Variants in RAPGEF2 observed in about 807,000 individuals in gnomAD.
RAPGEF2 encodes Rap guanine nucleotide exchange factor 2, also known as PDZ domain containing guanine nucleotide exchange factor (GEF) 1.
A neutral mutation model predicts 186.7 loss-of-function variants in RAPGEF2; 54 were observed. The observed-to-expected ratio is 0.29, with a 90% CI of 0.23 to 0.36. RAPGEF2 has a LOEUF of 0.36. Ranked by LOEUF, RAPGEF2 falls within the 10% of genes least tolerant of loss-of-function variation. The pLI, the probability that RAPGEF2 is intolerant of heterozygous loss-of-function variation, is 1.00. For synonymous variants in RAPGEF2, 712 were observed against 705.9 expected (o/e 1.01, Z -0.14); for missense variants, 1,532 against 2,045.0 (o/e 0.75, Z 4.84).
chr4:159,234,116 TAA>T (rs572880337), intron 4 of RAPGEF2, among the ~76,000 whole-genome samples: 1 of 145,200 alleles, frequency 6.9e-6, no homozygotes, highest in African/African-American at 2.5e-5. Flanking sequence ...TAAGACTTAC[TAA>T]AAAAAAAAAC....
Position 159,186,662 on chromosome 4 carries a change from C to A in RAPGEF2, c.90C>A (p.Ser30=). The part of the protein sequence containing the change: ...RTPQDLEIVY[S]YLHGMEALSN... ...AACAGGATCTGGAAATAGTATATTCCTATTTACATGGTATGGAAGCCTTAT... is the reference window on the plus strand; with the variant it reads ...AACAGGATCTGGAAATAGTATATTCATATTTACATGGTATGGAAGCCTTAT... Residue 30 remains serine, a synonymous_variant, in exon 2 of 30, where the codon TCC becomes TCA. Transcript: ENST00000691494. 6.9e-7 allele frequency: 1 copy of A among 1,459,372 alleles called. No homozygotes were observed. The highest frequency in any genetic ancestry group is 2.6e-5 in the East Asian group (1 of 38,734). The allele number at this position is 1,459,372 out of a possible 1,614,324, so 90.4% of individuals were successfully genotyped here. A position where few individuals can be genotyped will look rare whatever the true frequency, so the allele number is the denominator to read the frequency against.
intron 1 of RAPGEF2, among the ~76,000 whole-genome samples, chr4:159,143,514 G>A (rs902903973): frequency 6.6e-5 from 10 of 152,006 alleles, no homozygotes; most frequent in Non-Finnish European, 1.3e-4. Flanking sequence ...TATTCCACCG[G>A]GCCCATAACT....
intron 11 of RAPGEF2, among the ~76,000 whole-genome samples, chr4:159,325,236 G>A (rs983461569): frequency 6.6e-6 from 1 of 151,856 alleles, no homozygotes; most frequent in African/African-American, 2.4e-5. Context: ...TGCCAGAAAC[G>A]CATTCTAAAT....
chr4:159,266,494 G>C (rs1757442015), intron 7 of RAPGEF2, among the ~76,000 whole-genome samples: 1 of 151,948 alleles, frequency 6.6e-6, no homozygotes, highest in Non-Finnish European at 1.5e-5. Context: ...ACCTACATAT[G>C]TACATGAAAT....
rs1194385402 is a variant in RAPGEF2 at position 159,123,539 on chromosome 4, C to CTT, written c.69+19324_69+19325dup. Among the ~76,000 whole-genome samples the CTT allele has an allele frequency of 3.5e-4, 47 of 133,694 alleles. No individual in the cohort carries two copies. The East Asian group carries it at 5.8e-3, about 17-fold the overall frequency. 87.7% of individuals were successfully genotyped at this position (133,694 alleles called of 152,430 possible). On this transcript the variant is annotated intron_variant, in intron 1 of 29. Transcript: ENST00000691494. ...CTGTGGGTGGGATATGGATTTTTAT[C>CTT]TTTTTTTTTTTTTTTTTGAGATGGA...
At chr4:159,316,774 C>CT (rs1429148102) in intron 9 of RAPGEF2, among the ~76,000 whole-genome samples, 2 of 152,276 alleles carry the variant, frequency 1.3e-5, no homozygotes, top group African/African-American at 2.4e-5. Flanking sequence ...GCTGCAATGA[C>CT]TTTAAGTGTA....
intron 4 of RAPGEF2, among the ~76,000 whole-genome samples, chr4:159,217,089 T>TAA (rs1194396653): frequency 1.3e-5 from 2 of 151,998 alleles, no homozygotes; most frequent in Non-Finnish European, 2.9e-5. Context: ...TGAAAGGAGG[T>TAA]AAAACAATGG....
intron 1 of RAPGEF2, among the ~76,000 whole-genome samples, chr4:159,104,781 CA>C (rs765506340): frequency 3.3e-5 from 5 of 152,142 alleles, no homozygotes; most frequent in Non-Finnish European, 5.9e-5. Flanking sequence ...GTGCTAAAGA[CA>C]AATCCATGCT....
At chr4:159,283,270 T>G (rs1759976305) in intron 7 of RAPGEF2, among the ~76,000 whole-genome samples, 2 of 152,208 alleles carry the variant, frequency 1.3e-5, no homozygotes, top group Non-Finnish European at 2.9e-5. Context: ...AAACTATTCA[T>G]ATAGAACTTT....
At chr4:159,336,169 T>A (rs922903508) in intron 17 of RAPGEF2, among the ~76,000 whole-genome samples, 14 of 144,816 alleles carry the variant, frequency 9.7e-5, no homozygotes, top group African/African-American at 3.1e-4. Context: ...TTTTTTTTTT[T>A]AATTTTTATT....
chr4:159,264,360 A>G (rs1247062138), intron 7 of RAPGEF2, among the ~76,000 whole-genome samples: 1 of 152,208 alleles, frequency 6.6e-6, no homozygotes, highest in Non-Finnish European at 1.5e-5. Flanking sequence ...CGGTTAGGTT[A>G]GTTTCCTTCT....
intron 7 of RAPGEF2, among the ~76,000 whole-genome samples, chr4:159,253,538 T>G (rs1323211289): frequency 2.6e-5 from 4 of 152,254 alleles, no homozygotes; most frequent in Non-Finnish European, 5.9e-5. Flanking sequence ...CTTCAAATTT[T>G]ATCATTAGCA....
At chr4:159,347,810 A>G (rs1730558808) in intron 25 of RAPGEF2, among the ~76,000 whole-genome samples, 1 of 152,234 alleles carries the variant, frequency 6.6e-6, no homozygotes, top group South Asian at 2.1e-4. Flanking sequence ...AACATCTAGT[A>G]GTTTAGCCCC....
At chr4:159,112,326 T>C (rs1472203839) in intron 1 of RAPGEF2, among the ~76,000 whole-genome samples, 3 of 152,118 alleles carry the variant, frequency 2.0e-5, no homozygotes, top group African/African-American at 7.2e-5. Context: ...TGAGCAAGAG[T>C]TGTGATAGCA....
At chr4:159,348,285 T>TGG (rs60380308) in intron 25 of RAPGEF2, among the ~76,000 whole-genome samples, 43 of 148,040 alleles carry the variant, frequency 2.9e-4, no homozygotes, top group East Asian at 1.8e-3. Context: ...GATGGATGGA[T>TGG]AGATAGATAA....
At chr4:159,297,390 G>A (rs1205116099) in intron 7 of RAPGEF2, among the ~76,000 whole-genome samples, 2 of 152,092 alleles carry the variant, frequency 1.3e-5, no homozygotes, top group African/African-American at 4.8e-5. Context: ...TATTATTTTC[G>A]AGGCTTTTGC....
At chr4:159,104,755 G>A (rs1737688625) in intron 1 of RAPGEF2, among the ~76,000 whole-genome samples, 1 of 152,124 alleles carries the variant, frequency 6.6e-6, no homozygotes, top group Admixed American at 6.5e-5. Context: ...AGGTATAGGA[G>A]GAAACCTGTA....
At chr4:159,210,642 T>A (rs1750429185) in intron 4 of RAPGEF2, 59 bp downstream of exon 4, 3 of 1,324,018 alleles carry the variant, frequency 2.3e-6, no homozygotes, top group Non-Finnish European at 3.1e-6. Flanking sequence ...TTTTGCAGAA[T>A]TCAGTTCTAA....
chr4:159,331,626 A>G lies in RAPGEF2; in HGVS notation c.1576-4A>G, dbSNP rs1766694535. The G allele has an allele frequency of 1.2e-6, 2 of 1,614,112 alleles. No homozygotes were observed. The highest frequency in any genetic ancestry group is 2.2e-5 in the East Asian group (1 of 44,878). On this transcript the variant is annotated splice_polypyrimidine_tract_variant and splice_region_variant and intron_variant, in intron 14 of 29. Coordinates refer to ENST00000691494, the MANE Select transcript of RAPGEF2 (RefSeq NM_001394067.2). ...TTGACACTACTGTTTCTGAACTCTT[A>G]AAGAAAATGGGTGGACACCTAAGGC...
Sources: gnomAD v4.1 joint callset for allele counts (sites outside exome capture counted in the v4.1 genomes callset) on GRCh38, gnomAD v4.1.1 for gene constraint, MANE v1.5 for transcripts, NCBI Gene and HGNC (gene_info 2026-07-23, HGNC 2026-07-21) for gene names.